TP53BP1: variants seen among roughly 807,000 people sequenced by gnomAD.
TP53BP1 encodes tumor protein p53 binding protein 1.
A neutral mutation model predicts 200.8 loss-of-function variants in TP53BP1; 61 were observed. That is an observed-to-expected ratio of 0.30 (90% CI 0.25 to 0.38). The LOEUF (loss-of-function observed/expected upper bound fraction) is 0.38, where lower values mean the gene tolerates loss of function less well. TP53BP1 is among the 10% of genes least tolerant of loss of function. The pLI is 1.00. For synonymous variants in TP53BP1, 822 were observed against 844.3 expected (o/e 0.97, Z 0.46); for missense variants, 2,144 against 2,371.9 (o/e 0.90, Z 2.00).
intron 11 of TP53BP1, among the ~76,000 whole-genome samples, chr15:43,461,223 A>AT (rs1414312819): frequency 7.6e-6 from 1 of 130,776 alleles, no homozygotes; most frequent in East Asian, 2.3e-4. Context: ...TAGGAATTTT[A>AT]TTTTATTTTT....
intron 23 of TP53BP1, among the ~76,000 whole-genome samples, chr15:43,414,792 G>A (rs1200251904): frequency 6.6e-6 from 1 of 151,620 alleles, no homozygotes; most frequent in Non-Finnish European, 1.5e-5. Context: ...TGCAACCTCT[G>A]CCTCCCAGGT....
chr15:43,441,629 T>A, intron 14 of TP53BP1, 46 bp from the exon 15 acceptor site: 1 of 1,357,124 alleles, frequency 7.4e-7, no homozygotes, highest in Non-Finnish European at 1.1e-6. Context: ...AGAAACAGAA[T>A]TTAGTTAGTA....
chr15:43,495,469 A>T (rs2079176621), upstream of TP53BP1, among the ~76,000 whole-genome samples: 1 of 149,098 alleles, frequency 6.7e-6, no homozygotes, highest in East Asian at 2.0e-4. Context: ...ACTGCACTCC[A>T]GCGTGGGCAG....
intron 16 of TP53BP1, among the ~76,000 whole-genome samples, chr15:43,433,158 T>C (rs559769441): frequency 6.6e-6 from 1 of 152,198 alleles, no homozygotes; most frequent in South Asian, 2.1e-4. Context: ...ACCTGAGCAA[T>C]ATTTTTAGGA....
rs1467614703 is a variant in TP53BP1, at chr15:43,403,460, C to A, written c.*3923G>T. The A allele has an allele frequency of 1.3e-5, 6 of 472,526 alleles. No homozygotes were observed. Among genetic ancestry groups the A allele is most frequent in the Non-Finnish European group, 2.3e-5 (6 of 260,926 alleles). The allele number at this position is 472,526 out of a possible 1,614,324, so 29.3% of individuals were successfully genotyped here. A position where few individuals can be genotyped will look rare whatever the true frequency, so the allele number is the denominator to read the frequency against. The stretch of plus-strand genomic sequence containing the variant: ...GCTAGATTGGAGGTTTGGTGCAGGG[C>A]TAAGAGAGTAATACTCGCTTAGCCA... On this transcript the variant is annotated 3_prime_UTR_variant, in exon 28 of 28. Coordinates refer to ENST00000382044, the MANE Select transcript of TP53BP1 (RefSeq NM_001141980.3).
At chr15:43,505,727 C>T (rs1405780987) in intron 1 of TP53BP1, among the ~76,000 whole-genome samples, 2 of 152,188 alleles carry the variant, frequency 1.3e-5, no homozygotes, top group African/African-American at 4.8e-5. Context: ...CCCATCTCAA[C>T]CTTTTTAGAT....
chr15:43,440,525 A>C (rs201600969), intron 15 of TP53BP1, among the ~76,000 whole-genome samples: 3 of 139,436 alleles, frequency 2.2e-5, no homozygotes, highest in African/African-American at 5.8e-5. Flanking sequence ...AAAAAAAAAA[A>C]CAAAAAAAAA....
chr15:43,471,922 T>C (rs1394732221), intron 10 of TP53BP1, among the ~76,000 whole-genome samples: 1 of 152,212 alleles, frequency 6.6e-6, no homozygotes, highest in Non-Finnish European at 1.5e-5. Context: ...AGATTGATAT[T>C]AGTCAATTTG....
At chr15:43,418,296 G>A (rs998742001) in intron 21 of TP53BP1, among the ~76,000 whole-genome samples, 2 of 151,134 alleles carry the variant, frequency 1.3e-5, no homozygotes, top group East Asian at 1.9e-4. Context: ...TTGGGAGTTC[G>A]AGACCAGCCT....
chr15:43,467,504 T>C (rs1221643969), intron 11 of TP53BP1, among the ~76,000 whole-genome samples: 1 of 147,446 alleles, frequency 6.8e-6, no homozygotes, highest in Non-Finnish European at 1.5e-5. Flanking sequence ...GAATCACTCA[T>C]TTGTCTCAAA....
chr15:43,420,139 A>G (rs62021180), intron 21 of TP53BP1, among the ~76,000 whole-genome samples, 166 bp downstream of exon 21: 25,645 of 152,174 alleles, frequency 0.17, 2,338 homozygotes, highest in Middle Eastern at 0.28. Flanking sequence ...ACAAATGAAC[A>G]AACAGAAAAG....
At chr15:43,459,503 C>A (rs2046380300) in intron 11 of TP53BP1, among the ~76,000 whole-genome samples, 1 of 151,826 alleles carries the variant, frequency 6.6e-6, no homozygotes, top group Non-Finnish European at 1.5e-5. Flanking sequence ...AATGAATAAA[C>A]AAATTGTGGA....
chr15:43,443,433 T>G (rs1288335584), intron 14 of TP53BP1, among the ~76,000 whole-genome samples: 1 of 152,198 alleles, frequency 6.6e-6, no homozygotes, highest in Admixed American at 6.5e-5. Context: ...GGCTCACTCA[T>G]GTAATCCCAA....
At chr15:43,424,133 C>T (rs2045472349) in intron 18 of TP53BP1, among the ~76,000 whole-genome samples, 1 of 152,194 alleles carries the variant, frequency 6.6e-6, no homozygotes, top group Non-Finnish European at 1.5e-5. Context: ...ATCCCCAGTG[C>T]ATCTCACATC....
intron 1 of TP53BP1, among the ~76,000 whole-genome samples, chr15:43,504,708 T>G (rs1188282897): frequency 6.6e-6 from 1 of 152,134 alleles, no homozygotes; most frequent in African/African-American, 2.4e-5. Flanking sequence ...TCAGACTGAC[T>G]GAATAAAAAG....
At chr15:43,508,388 T>C (rs2079250040) in intron 1 of TP53BP1, among the ~76,000 whole-genome samples, 1 of 152,096 alleles carries the variant, frequency 6.6e-6, no homozygotes, top group Non-Finnish European at 1.5e-5. Flanking sequence ...CTGGGAACAG[T>C]GGCTCACGCT....
intron 4 of TP53BP1, among the ~76,000 whole-genome samples, chr15:43,487,048 G>A (rs1438488787): frequency 6.6e-6 from 1 of 152,070 alleles, no homozygotes; most frequent in African/African-American, 2.4e-5. Context: ...TAGAGTGGGA[G>A]AAAATATTTG....
chr15:43,455,293 A>G (rs900891996), intron 12 of TP53BP1, among the ~76,000 whole-genome samples: 2 of 152,184 alleles, frequency 1.3e-5, no homozygotes, highest in African/African-American at 2.4e-5. Context: ...ATACACAGAG[A>G]GCAAGGATAC....
intron 23 of TP53BP1, among the ~76,000 whole-genome samples, chr15:43,414,637 A>G (rs1053476379): frequency 6.6e-6 from 1 of 152,150 alleles, no homozygotes; most frequent in Non-Finnish European, 1.5e-5. Flanking sequence ...TCCTTTCTTA[A>G]TTATTGAATG....
Sources: gnomAD v4.1 joint callset for allele counts (sites outside exome capture counted in the v4.1 genomes callset) on GRCh38, gnomAD v4.1.1 for gene constraint, MANE v1.5 for transcripts, NCBI Gene and HGNC (gene_info 2026-07-23, HGNC 2026-07-21) for gene names.